Variants in ANKRD55 observed in about 807,000 individuals in gnomAD.
The protein encoded by ANKRD55 is ankyrin repeat domain 55.
ANKRD55 carries 41 observed loss-of-function variants against 60.6 expected under a neutral mutation model. That is an observed-to-expected ratio of 0.68 (90% CI 0.53 to 0.88). The LOEUF (loss-of-function observed/expected upper bound fraction) is 0.88, where lower values mean the gene tolerates loss of function less well. Among genes scored for constraint, ANKRD55 ranks in the 40% least tolerant of loss-of-function variants. The pLI is 0.00. For synonymous variants in ANKRD55, 264 were observed against 290.3 expected (o/e 0.91, Z 0.92); for missense variants, 732 against 767.6 (o/e 0.95, Z 0.55).
At chr5:56,163,346 G>A (rs534728203) in intron 5 of ANKRD55, among the ~76,000 whole-genome samples, 2 of 152,190 alleles carry the variant, frequency 1.3e-5, no homozygotes, top group South Asian at 2.1e-4. Context: ...GGTGACCTGC[G>A]AGATACTTGT....
At chr5:56,228,867 A>G (rs1435736004) in intron 2 of ANKRD55, among the ~76,000 whole-genome samples, 1 of 152,224 alleles carries the variant, frequency 6.6e-6, no homozygotes, top group Non-Finnish European at 1.5e-5. Flanking sequence ...GGGCTAGAAG[A>G]CAAAGCCCTT....
At chr5:56,137,566 A>AC in intron 7 of ANKRD55, 6 of 667,864 alleles carry the variant, frequency 9.0e-6, no homozygotes, top group East Asian at 5.1e-5. Context: ...TAAAAGTAAA[A>AC]GAAAAAAAAA....
At chr5:56,100,543 A>C (rs1756240629) in intron 11 of ANKRD55, among the ~76,000 whole-genome samples, 1 of 152,226 alleles carries the variant, frequency 6.6e-6, no homozygotes, top group African/African-American at 2.4e-5. Context: ...AGTGTGATCA[A>C]ACATGATTGG....
intron 6 of ANKRD55, among the ~76,000 whole-genome samples, chr5:56,149,867 A>G (rs1271807539): frequency 5.5e-5 from 8 of 144,794 alleles, no homozygotes; most frequent in African/African-American, 7.8e-5. Context: ...TTTGAGACGG[A>G]GTCTCATTCT....
At chr5:56,121,518 G>A (rs568533690) in intron 8 of ANKRD55, among the ~76,000 whole-genome samples, 16 of 151,746 alleles carry the variant, frequency 1.1e-4, no homozygotes, top group South Asian at 2.1e-4. Flanking sequence ...GACTACAGGC[G>A]CCCGCCACCA....
intron 2 of ANKRD55, among the ~76,000 whole-genome samples, chr5:56,225,305 G>C (rs160003): frequency 2.0e-5 from 3 of 151,976 alleles, no homozygotes; most frequent in East Asian, 1.9e-4. Flanking sequence ...AAAAACTCTC[G>C]ATAAATTAGG....
In ANKRD55 at chr5:56,179,313, A is replaced by C. The variant is rs928338224; in HGVS notation, c.182-3031T>G. On this transcript the variant is annotated intron_variant, in intron 3 of 11. Transcript: ENST00000341048. ...TTATTTATGTAAATTTTATAAATCA[A>C]AATAACAACAGATTGCTATAAACCC... 9.9e-5 allele frequency among the ~76,000 whole-genome samples: 15 copies of C among 152,228 alleles called. 1 individual carries two copies. Among genetic ancestry groups the C allele is most frequent in the Admixed American group, 9.8e-4 (15 of 15,280 alleles).
intron 10 of ANKRD55, among the ~76,000 whole-genome samples, chr5:56,109,449 G>A (rs1404753135): frequency 2.0e-5 from 3 of 151,910 alleles, no homozygotes; most frequent in Non-Finnish European, 4.4e-5. Flanking sequence ...TTAAAAACAA[G>A]CCAAGGTACT....
In ANKRD55 at chr5:56,137,205, G is replaced by A. The variant is rs570140826; in HGVS notation, c.612+6596C>T. 6 of 1,610,406 alleles carry A rather than the reference G, an allele frequency of 3.7e-6. No individual in the cohort carries two copies. The African/African-American group carries it at 5.3e-5, about 14-fold the overall frequency. ...CAAGTGTGCCCAGGCCAAGCAGTGG[G>A]GCTGGACACAAGGTCGGTGGCCCAA... On this transcript the variant is annotated intron_variant, in intron 7 of 11. Transcript: ENST00000341048.
intron 2 of ANKRD55, among the ~76,000 whole-genome samples, chr5:56,221,718 G>A (rs933973683): frequency 1.3e-5 from 2 of 152,220 alleles, no homozygotes; most frequent in African/African-American, 2.4e-5. Context: ...TAGCTTGGAG[G>A]GTCCCATGCC....
At chr5:56,107,299 A>G (rs983921124) in intron 10 of ANKRD55, among the ~76,000 whole-genome samples, 2 of 152,048 alleles carry the variant, frequency 1.3e-5, no homozygotes, top group African/African-American at 4.8e-5. Flanking sequence ...CACTCAGAAA[A>G]ATTGGTTGAA....
At chr5:56,111,090 A>G (rs1305757242) in intron 10 of ANKRD55, 28 bp downstream of exon 10, 1 of 1,597,558 alleles carries the variant, frequency 6.3e-7, no homozygotes, top group Admixed American at 1.7e-5. Flanking sequence ...GAGCCTGCTG[A>G]GAATGAACAT....
intron 1 of ANKRD55, 40 bp from the exon 2 acceptor site, chr5:56,232,986 C>G (rs1020624776): frequency 5.0e-6 from 7 of 1,403,754 alleles, no homozygotes; most frequent in Non-Finnish European, 7.1e-6. Context: ...TTACTGTCAA[C>G]ATGACAGTCA....
intron 2 of ANKRD55, among the ~76,000 whole-genome samples, chr5:56,195,172 T>C (rs1473059535): frequency 6.6e-6 from 1 of 152,218 alleles, no homozygotes; most frequent in Non-Finnish European, 1.5e-5. Context: ...CAATGGATAA[T>C]TCTAACAACG....
At chr5:56,218,124 T>A (rs1216840003) in intron 2 of ANKRD55, among the ~76,000 whole-genome samples, 2 of 152,156 alleles carry the variant, frequency 1.3e-5, no homozygotes, top group African/African-American at 4.8e-5. Flanking sequence ...TTGCTTCTTA[T>A]GGATGAGTAA....
At chr5:56,147,584 A>G (rs1002189315) in intron 6 of ANKRD55, among the ~76,000 whole-genome samples, 12 of 152,250 alleles carry the variant, frequency 7.9e-5, no homozygotes, top group Admixed American at 2.6e-4. Context: ...ACTTGAGAAC[A>G]TCTTGAAAAT....
At chr5:56,211,252 GCTGGTA>G (rs760610912) in intron 2 of ANKRD55, among the ~76,000 whole-genome samples, 22 of 152,198 alleles carry the variant, frequency 1.4e-4, no homozygotes, top group Non-Finnish European at 2.5e-4. Context: ...AAGAGCACCC[GCTGGTA>G]CTGCATTGCT....
chr5:56,144,041 T>C (rs960266139), intron 6 of ANKRD55, 112 bp from the exon 7 acceptor site: 61 of 1,346,122 alleles, frequency 4.5e-5, no homozygotes, highest in Admixed American at 9.8e-5. Flanking sequence ...CGTTGGTTGT[T>C]TCCTGCTGGT....
chr5:56,221,558 G>A lies in ANKRD55; in HGVS notation c.58+11298C>T, dbSNP rs145916569. Among the ~76,000 whole-genome samples the A allele has an allele frequency of 9.3e-3, 1,409 of 152,312 alleles. 89 individuals carry two copies. The East Asian group carries it at 0.18, about 20-fold the overall frequency. ...GAAGCAGGGTGAGGCATCACCTCACGCGGGAAGCGCAAGGGGTGGGGGAAT... is the reference window on the plus strand; with the variant it reads ...GAAGCAGGGTGAGGCATCACCTCACACGGGAAGCGCAAGGGGTGGGGGAAT... On this transcript the variant is annotated intron_variant, in intron 2 of 11. Coordinates refer to ENST00000341048, the MANE Select transcript of ANKRD55 (RefSeq NM_024669.3).
Sources: allele counts gnomAD v4.1 joint callset (sites outside exome capture counted in the v4.1 genomes callset), GRCh38; gene constraint gnomAD v4.1.1; transcripts MANE v1.5; gene names NCBI Gene and HGNC (gene_info 2026-07-23, HGNC 2026-07-21).